Variants in CCDC30 observed in about 807,000 individuals in gnomAD.
CCDC30 encodes coiled-coil domain containing 30.
In CCDC30, 70 loss-of-function variants were observed where a neutral mutation model predicts 100.2. The observed-to-expected ratio is 0.70, with a 90% confidence interval of 0.58 to 0.85. The LOEUF is 0.85. CCDC30 is among the 40% of genes least tolerant of loss of function. The probability of loss-of-function intolerance (pLI) is 0.00; values close to 1 mark genes in which losing one functional copy is unlikely to be tolerated. For missense variants in CCDC30, 652 were observed against 771.2 expected, an observed-to-expected ratio of 0.85 and a Z score of 1.83; for synonymous variants, 233 against 269.5, an observed-to-expected ratio of 0.86 and a Z score of 1.33.
chr1:42,457,370 C>T, the CCDC30 span: 1 of 1,593,426 alleles, frequency 6.3e-7, no homozygotes, highest in Non-Finnish European at 8.6e-7. Context: ...GCTTCTCTTC[C>T]AGAGATCTAA....
At chr1:42,620,550 GTTA>G (rs1253837937) in intron 11 of CCDC30, among the ~76,000 whole-genome samples, 1 of 148,780 alleles carries the variant, frequency 6.7e-6, no homozygotes, top group Non-Finnish European at 1.5e-5. Flanking sequence ...GCAGAGCACA[GTTA>G]TTCAAAGTAT....
chr1:42,599,937 G>A (rs972582941), intron 10 of CCDC30, among the ~76,000 whole-genome samples: 1 of 152,144 alleles, frequency 6.6e-6, no homozygotes, highest in Non-Finnish European at 1.5e-5. Flanking sequence ...AGAAGGTAAA[G>A]GGGAAGCAAG....
intron 1 of CCDC30, among the ~76,000 whole-genome samples, chr1:42,475,297 C>T (rs926093702): frequency 1.6e-4 from 24 of 151,986 alleles, no homozygotes; most frequent in Admixed American, 1.3e-3. Flanking sequence ...TTTCACTTCC[C>T]GGACCTTTAA....
chr1:42,631,132 A>G (rs560660524), intron 11 of CCDC30, among the ~76,000 whole-genome samples: 6 of 152,262 alleles, frequency 3.9e-5, no homozygotes, highest in African/African-American at 7.2e-5. Flanking sequence ...CAGATATTCA[A>G]AAGTACTTGG....
intron 10 of CCDC30, among the ~76,000 whole-genome samples, chr1:42,601,316 G>C (rs1340065046): frequency 6.6e-6 from 1 of 152,226 alleles, no homozygotes; most frequent in Non-Finnish European, 1.5e-5. Context: ...GCATTGGTGA[G>C]TGTCTGAAGG....
At chr1:42,479,232 C>T (rs1223193726) in intron 1 of CCDC30, among the ~76,000 whole-genome samples, 1 of 151,986 alleles carries the variant, frequency 6.6e-6, no homozygotes, top group Non-Finnish European at 1.5e-5. Context: ...AAAAATTAGC[C>T]GGGCGTGGTT....
intron 7 of CCDC30, among the ~76,000 whole-genome samples, chr1:42,575,300 T>C (rs1441869622): frequency 6.6e-6 from 1 of 152,110 alleles, no homozygotes; most frequent in Non-Finnish European, 1.5e-5. Context: ...TAAATAATTG[T>C]TTAATCACCT....
intron 6 of CCDC30, among the ~76,000 whole-genome samples, chr1:42,524,968 T>C (rs1644702881): frequency 6.6e-6 from 1 of 152,370 alleles, no homozygotes; most frequent in East Asian, 1.9e-4. Context: ...TGACTTTCTT[T>C]TAACAATACT....
chr1:42,625,118 G>C (rs1646907756), intron 11 of CCDC30, among the ~76,000 whole-genome samples: 1 of 151,808 alleles, frequency 6.6e-6, no homozygotes, highest in Non-Finnish European at 1.5e-5. Flanking sequence ...TTGTTATGTT[G>C]TATGTGTTTA....
intron 3 of CCDC30, among the ~76,000 whole-genome samples, chr1:42,486,175 G>A (rs1223932958): frequency 6.6e-6 from 1 of 152,192 alleles, no homozygotes; most frequent in Non-Finnish European, 1.5e-5. Context: ...GTATGTAAAT[G>A]TTCATAACAA....
chr1:42,529,341 G>A (rs567483744), intron 6 of CCDC30, among the ~76,000 whole-genome samples: 3 of 152,178 alleles, frequency 2.0e-5, no homozygotes, highest in Non-Finnish European at 2.9e-5. Flanking sequence ...GCGTGGTGGC[G>A]GACGCCTGTA....
At chr1:42,544,559 G>A (rs1645083523) in intron 6 of CCDC30, among the ~76,000 whole-genome samples, 1 of 152,136 alleles carries the variant, frequency 6.6e-6, no homozygotes, top group African/African-American at 2.4e-5. Context: ...CTGTCATATA[G>A]GCTGGAGTGC....
intron 13 of CCDC30, among the ~76,000 whole-genome samples, chr1:42,644,091 G>C (rs1368435581): frequency 6.6e-6 from 1 of 152,082 alleles, no homozygotes; most frequent in Non-Finnish European, 1.5e-5. Context: ...TCTCTTAGAG[G>C]AAAAGAACAG....
intron 10 of CCDC30, among the ~76,000 whole-genome samples, chr1:42,605,927 T>G (rs1470003912): frequency 6.6e-6 from 1 of 152,208 alleles, no homozygotes; most frequent in Non-Finnish European, 1.5e-5. Flanking sequence ...TCCACTTGTA[T>G]GCAGATTCTT....
chr1:42,577,785 C>T (rs531540385), intron 8 of CCDC30, among the ~76,000 whole-genome samples: 106 of 151,958 alleles, frequency 7.0e-4, no homozygotes, highest in African/African-American at 2.3e-3. Flanking sequence ...GGACTACAGG[C>T]GTCCACCACC....
intron 1 of CCDC30, among the ~76,000 whole-genome samples, chr1:42,480,105 A>G (rs1643934504): frequency 6.6e-6 from 1 of 152,152 alleles, no homozygotes; most frequent in African/African-American, 2.4e-5. Context: ...CTTGCAATAA[A>G]TTTATCTCAC....
intron 6 of CCDC30, among the ~76,000 whole-genome samples, chr1:42,515,075 A>G (rs571696493): frequency 1.6e-4 from 24 of 152,284 alleles, no homozygotes; most frequent in African/African-American, 5.3e-4. Context: ...AAGATGAGTT[A>G]ATTAGGGTGG....
At chr1:42,588,812 C>A (rs937266562) in intron 9 of CCDC30, among the ~76,000 whole-genome samples, 1 of 152,046 alleles carries the variant, frequency 6.6e-6, no homozygotes, top group Admixed American at 6.5e-5. Context: ...TACCAGGATA[C>A]CATATTTGAG....
chr1:42,637,550 C>T (rs932250726), intron 12 of CCDC30, among the ~76,000 whole-genome samples, 172 bp downstream of exon 16: 1 of 152,186 alleles, frequency 6.6e-6, no homozygotes, highest in African/African-American at 2.4e-5. Context: ...ACCAAAAGTA[C>T]ATAAGACTCC....
Sources: allele counts gnomAD v4.1 joint callset (sites outside exome capture counted in the v4.1 genomes callset), GRCh38; gene constraint gnomAD v4.1.1; transcripts MANE v1.5; gene names NCBI Gene and HGNC (gene_info 2026-07-23, HGNC 2026-07-21).